Variants in FOXP1 observed in about 807,000 individuals in gnomAD.
FOXP1 encodes the protein forkhead box protein P1.
FOXP1 carries 15 observed loss-of-function variants against 98.2 expected under a neutral mutation model. That is an observed-to-expected ratio of 0.15 (90% CI 0.10 to 0.24). The LOEUF is 0.24. Among genes scored for constraint, FOXP1 ranks in the 10% least tolerant of loss-of-function variants. The probability of loss-of-function intolerance (pLI) is 1.00; values close to 1 mark genes in which losing one functional copy is unlikely to be tolerated. For synonymous variants in FOXP1, 371 were observed against 314.5 expected, an observed-to-expected ratio of 1.18 and a Z score of -1.90; for missense variants, 633 against 848.5, an observed-to-expected ratio of 0.75 and a Z score of 3.15.
At position 71,038,886 on chromosome 3, in the gene FOXP1, G is replaced by C. The variant is rs189775910; in HGVS notation, c.869+2442C>G. 3.2e-4 allele frequency among the ~76,000 whole-genome samples: 49 copies of C among 152,106 alleles called. No individual in the cohort carries two copies. In the East Asian group the frequency reaches 8.3e-3, roughly 26 times the overall value. Reference sequence around the variant, plus strand: ...CCTCTATGTTGTCCAGGCTAGTCTTGAACTCCTGGCCTCAAGCAATCCTCC... The same window carrying C: ...CCTCTATGTTGTCCAGGCTAGTCTTCAACTCCTGGCCTCAAGCAATCCTCC... On this transcript the variant is annotated intron_variant, in intron 11 of 20. Transcript: ENST00000649528.
At chr3:71,231,390 T>C (rs1247576832) in intron 5 of FOXP1, among the ~76,000 whole-genome samples, 2 of 152,232 alleles carry the variant, frequency 1.3e-5, no homozygotes, top group African/African-American at 4.8e-5. Flanking sequence ...ACATGAATTC[T>C]GATGCTACAA....
intron 5 of FOXP1, among the ~76,000 whole-genome samples, chr3:71,294,912 T>C (rs1293042712): frequency 6.6e-6 from 1 of 151,704 alleles, no homozygotes; most frequent in Non-Finnish European, 1.5e-5. Flanking sequence ...AACCATATGA[T>C]AAAGACAAAG....
At chr3:71,315,100 A>AG (rs2074988347) in intron 4 of FOXP1, among the ~76,000 whole-genome samples, 1 of 141,158 alleles carries the variant, frequency 7.1e-6, no homozygotes, top group Admixed American at 7.0e-5. Flanking sequence ...AAAAAAAAAA[A>AG]AAAAAAAGAA....
chr3:71,015,480 T>G, intron 12 of FOXP1, 69 bp downstream of exon 12: 1 of 1,097,834 alleles, frequency 9.1e-7, no homozygotes, highest in Non-Finnish European at 1.4e-6. Context: ...AGGCATTTTA[T>G]GAGCAAAGCA....
At chr3:71,148,142 C>A (rs1158889928) in intron 6 of FOXP1, among the ~76,000 whole-genome samples, 1 of 152,154 alleles carries the variant, frequency 6.6e-6, no homozygotes, top group Non-Finnish European at 1.5e-5. Flanking sequence ...TTTGGGAGGC[C>A]GAGGCAGGCA....
At chr3:71,160,960 C>A (rs766339127) in intron 6 of FOXP1, among the ~76,000 whole-genome samples, 7 of 152,166 alleles carry the variant, frequency 4.6e-5, no homozygotes, top group Admixed American at 1.3e-4. Context: ...AGACCAAAGA[C>A]GGGAGTGACT....
chr3:71,538,631 G>A (rs1172435808), intron 2 of FOXP1, among the ~76,000 whole-genome samples: 1 of 152,154 alleles, frequency 6.6e-6, no homozygotes, highest in Non-Finnish European at 1.5e-5. Context: ...TTATGTACAA[G>A]CTTTTCTGTA....
chr3:71,326,182 A>G (rs1560309562), intron 4 of FOXP1, among the ~76,000 whole-genome samples: 2 of 152,204 alleles, frequency 1.3e-5, no homozygotes, highest in African/African-American at 2.4e-5. Flanking sequence ...GGACTATGCC[A>G]TTACCCTCTT....
At chr3:71,447,608 C>A (rs576199597) in intron 3 of FOXP1, among the ~76,000 whole-genome samples, 4 of 152,150 alleles carry the variant, frequency 2.6e-5, no homozygotes, top group African/African-American at 7.2e-5. Context: ...ACTAAGGGAG[C>A]GTGTGGATGA....
At chr3:71,287,974 G>A (rs997618080) in intron 5 of FOXP1, among the ~76,000 whole-genome samples, 9 of 151,748 alleles carry the variant, frequency 5.9e-5, no homozygotes, top group South Asian at 2.1e-4. Flanking sequence ...TCTGCCTCCC[G>A]GGTTCAAGCG....
At chr3:71,279,927 T>A (rs1031574786) in intron 5 of FOXP1, among the ~76,000 whole-genome samples, 1 of 151,898 alleles carries the variant, frequency 6.6e-6, no homozygotes, top group African/African-American at 2.4e-5. Context: ...ATCGAGACTA[T>A]CCTGGCTAAC....
chr3:71,470,477 C>A (rs1189737648), intron 3 of FOXP1, among the ~76,000 whole-genome samples: 8 of 152,316 alleles, frequency 5.3e-5, no homozygotes, highest in African/African-American at 1.9e-4. Context: ...CGGTGGCTCA[C>A]GCCTTTAATC....
At chr3:71,023,988 C>T (rs2045783682) in intron 11 of FOXP1, among the ~76,000 whole-genome samples, 1 of 152,170 alleles carries the variant, frequency 6.6e-6, no homozygotes, top group South Asian at 2.1e-4. Context: ...GCACCACTTT[C>T]CACTTTACAG....
At position 70,977,594 on chromosome 3, in the gene FOXP1, T is replaced by A. The variant is rs761573151; in HGVS notation, c.1428+49A>T. 2.8e-5 allele frequency: 40 copies of A among 1,407,218 alleles called. No homozygotes were observed. In the East Asian group the frequency reaches 9.1e-4, roughly 32 times the overall value. 87.2% of individuals were successfully genotyped at this position (1,407,218 alleles called of 1,614,324 possible). On this transcript the variant is annotated intron_variant, in intron 16 of 20. Coordinates refer to ENST00000649528, the MANE Select transcript of FOXP1 (RefSeq NM_001349338.3). ...TCTACTTCATCAATATATATCCATG[T>A]ACACATATACCTTCTGACAGAATTT...
At chr3:71,108,615 A>T (rs894766963) in intron 7 of FOXP1, among the ~76,000 whole-genome samples, 2 of 152,094 alleles carry the variant, frequency 1.3e-5, no homozygotes, top group Non-Finnish European at 2.9e-5. Flanking sequence ...AAATTACAAA[A>T]ATTATCTGGG....
At chr3:71,405,797 C>T (rs1164687208) in intron 3 of FOXP1, among the ~76,000 whole-genome samples, 1 of 151,886 alleles carries the variant, frequency 6.6e-6, no homozygotes, top group Admixed American at 6.6e-5. Context: ...GGCTCAATCT[C>T]GGCTCATCAC....
chr3:71,262,255 ACT>A (rs1358692360), intron 5 of FOXP1, among the ~76,000 whole-genome samples: 123 of 127,846 alleles, frequency 9.6e-4, no homozygotes, highest in Non-Finnish European at 1.6e-3. Context: ...ACAGGACAAG[ACT>A]CTGTCACAAA....
At chr3:71,037,624 A>G (rs1044977893) in intron 11 of FOXP1, among the ~76,000 whole-genome samples, 1 of 152,198 alleles carries the variant, frequency 6.6e-6, no homozygotes, top group Admixed American at 6.6e-5. Context: ...TTTCTCAGGC[A>G]CTGACAACAC....
intron 13 of FOXP1, among the ~76,000 whole-genome samples, chr3:70,998,792 G>C (rs1485951195): frequency 1.3e-5 from 2 of 152,126 alleles, no homozygotes; most frequent in Non-Finnish European, 2.9e-5. Flanking sequence ...AAGCTGCCAG[G>C]AAATAAACAC....
Sources: gnomAD v4.1 joint callset for allele counts (sites outside exome capture counted in the v4.1 genomes callset) on GRCh38, gnomAD v4.1.1 for gene constraint, MANE v1.5 for transcripts, NCBI Gene and HGNC (gene_info 2026-07-23, HGNC 2026-07-21) for gene names.